Variants in TTC39C observed in about 807,000 individuals in gnomAD.
The protein encoded by TTC39C is tetratricopeptide repeat protein 39C.
Under a neutral mutation model 76.3 loss-of-function variants are expected in TTC39C, and 33 were observed. That is an observed-to-expected ratio of 0.43 (90% CI 0.33 to 0.58). TTC39C has a LOEUF of 0.58. Among genes scored for constraint, TTC39C ranks in the 20% least tolerant of loss-of-function variants. The pLI is 0.04. For synonymous variants in TTC39C, 254 were observed against 260.6 expected (o/e 0.97, Z 0.24); for missense variants, 595 against 701.4 (o/e 0.85, Z 1.71).
chr18:23,996,333 T>G (rs1010273411), intron 1 of TTC39C, among the ~76,000 whole-genome samples: 10 of 152,304 alleles, frequency 6.6e-5, no homozygotes, highest in Admixed American at 3.3e-4. Flanking sequence ...GCAGCCAAGT[T>G]TGGGAAGCAC....
At chr18:24,073,964 C>T (rs775679436) in intron 4 of TTC39C, among the ~76,000 whole-genome samples, 4 of 152,224 alleles carry the variant, frequency 2.6e-5, no homozygotes, top group Non-Finnish European at 5.9e-5. Context: ...TGCAATCTAC[C>T]TGCTGTTTTA....
intron 6 of TTC39C, among the ~76,000 whole-genome samples, chr18:24,087,582 G>GTTTTTTTTTTTT (rs142766325): frequency 7.3e-5 from 9 of 124,130 alleles, no homozygotes; most frequent in East Asian, 2.2e-4. Flanking sequence ...TTTGAGAACT[G>GTTTTTTTTTTTT]TTTTTTTTTT....
chr18:24,056,350 A>G (rs1034308262), intron 1 of TTC39C, among the ~76,000 whole-genome samples: 1 of 152,164 alleles, frequency 6.6e-6, no homozygotes, highest in South Asian at 2.1e-4. Flanking sequence ...TGAAGGGGAG[A>G]AAAGTATTTT....
chr18:24,021,539 CTT>C lies in TTC39C; in HGVS notation c.167+6522_167+6523del, dbSNP rs60505555. ...GGGGTTTTGCTTTTTTTCTTTCCTT[CTT>C]TTTTTTTTTTTTTTTTTTTTCCGAG... On this transcript the variant is annotated intron_variant, in intron 1 of 13. Coordinates refer to ENST00000317571, the MANE Select transcript of TTC39C (RefSeq NM_001135993.2). Among the ~76,000 whole-genome samples the C allele has an allele frequency of 1.3e-3, 156 of 118,832 alleles. 3 individuals are homozygous for C. In the East Asian group the frequency reaches 0.014, roughly 10 times the overall value. The allele number at this position is 118,832 out of a possible 152,430, so 78.0% of individuals were successfully genotyped here.
Position 24,123,856 on chromosome 18 carries a change from T to C in TTC39C, c.1209T>C (p.Asp403=). The part of the protein sequence containing the change: ...LTAVCQGATG[D]VDGAQIVFKE... ...CAGTTTGTCAGGGAGCCACTGGTGA[T>C]GTGGATGGGGCACAGATTGTCTTTA... is the stretch of plus-strand genomic sequence containing the variant. Residue 403 remains aspartate, a synonymous_variant, in exon 9 of 14, where the codon GAT becomes GAC. Coordinates refer to ENST00000317571, the MANE Select transcript of TTC39C (RefSeq NM_001135993.2). 1.9e-6 allele frequency: 3 copies of C among 1,611,918 alleles called. No individual in the cohort carries two copies. The highest frequency in any genetic ancestry group is 2.5e-6 in the Non-Finnish European group (3 of 1,179,502).
At chr18:24,009,087 A>G (rs2083376695) in intron 1 of TTC39C, among the ~76,000 whole-genome samples, 1 of 152,214 alleles carries the variant, frequency 6.6e-6, no homozygotes, top group South Asian at 2.1e-4. Flanking sequence ...ATCATAAAAA[A>G]TAACTATTGG....
chr18:24,060,495 A>G (rs1423552608), intron 1 of TTC39C, among the ~76,000 whole-genome samples: 2 of 151,744 alleles, frequency 1.3e-5, no homozygotes, highest in East Asian at 3.9e-4. Flanking sequence ...TTTAGTAGAG[A>G]TGGGGTTTCA....
chr18:24,010,020 C>T (rs549559947), upstream of TTC39C, among the ~76,000 whole-genome samples: 1 of 152,266 alleles, frequency 6.6e-6, no homozygotes, highest in African/African-American at 2.4e-5. Context: ...AGTGATCCAC[C>T]TATGAGCAGA....
intron 1 of TTC39C, among the ~76,000 whole-genome samples, chr18:24,020,878 A>G (rs530693160): frequency 6.6e-6 from 1 of 152,306 alleles, no homozygotes; most frequent in African/African-American, 2.4e-5. Flanking sequence ...TATTGAGTGA[A>G]ATAAAGTTTT....
At chr18:24,096,403 G>A (rs1019081356) in intron 6 of TTC39C, among the ~76,000 whole-genome samples, 37 of 152,038 alleles carry the variant, frequency 2.4e-4, no homozygotes, top group African/African-American at 7.0e-4. Context: ...GCCTTTAATC[G>A]TAGGAACTTT....
chr18:24,034,195 C>T (rs1205279322), intron 1 of TTC39C, among the ~76,000 whole-genome samples: 1 of 152,194 alleles, frequency 6.6e-6, no homozygotes, highest in East Asian at 1.9e-4. Context: ...CTCACAACAT[C>T]GAAAGCACAA....
chr18:24,114,302 A>G, intron 6 of TTC39C: 1 of 301,850 alleles, frequency 3.3e-6, no homozygotes, highest in South Asian at 2.9e-5. Flanking sequence ...AAAGGAGAGA[A>G]CGCTGGAGGA....
chr18:24,066,727 G>T (rs1451451267), intron 3 of TTC39C, among the ~76,000 whole-genome samples: 1 of 152,176 alleles, frequency 6.6e-6, no homozygotes, highest in African/African-American at 2.4e-5. Context: ...CCTGTCTTCT[G>T]CTCCTGCATG....
At chr18:24,028,126 T>C (rs1000480705) in intron 1 of TTC39C, among the ~76,000 whole-genome samples, 2 of 151,974 alleles carry the variant, frequency 1.3e-5, no homozygotes, top group African/African-American at 4.8e-5. Flanking sequence ...AAATTACTCC[T>C]CTTGAAATAG....
chr18:24,128,393 C>T (rs934020932), intron 10 of TTC39C, among the ~76,000 whole-genome samples: 8 of 150,254 alleles, frequency 5.3e-5, no homozygotes. Flanking sequence ...AACTTCAGTT[C>T]TCTCTTTCTA....
At chr18:24,113,582 C>T (rs1467600992) in intron 6 of TTC39C, 1 of 702,292 alleles carries the variant, frequency 1.4e-6, no homozygotes, top group Admixed American at 2.0e-5. Context: ...GGAGCCCTGG[C>T]ACCAGCAGAG....
rs2145835270 is a variant in TTC39C at position 24,132,438 on chromosome 18, C to T, written c.1663-47C>T. 3 of 1,559,724 alleles carry T rather than the reference C, an allele frequency of 1.9e-6. No individual in the cohort carries two copies. In the East Asian group the frequency reaches 6.7e-5, roughly 35 times the overall value. ...GTGCTTTATACCACAGTACCCTGTGCAAGCTTAGCTAACAGAGTGCATAAA... is the reference window on the plus strand; with the variant it reads ...GTGCTTTATACCACAGTACCCTGTGTAAGCTTAGCTAACAGAGTGCATAAA... On this transcript the variant is annotated intron_variant, in intron 13 of 13. Transcript: ENST00000317571.
intron 1 of TTC39C, among the ~76,000 whole-genome samples, chr18:24,023,997 T>G (rs1285210539): frequency 1.5e-3 from 11 of 7,446 alleles, no homozygotes; most frequent in Admixed American, 5.8e-3. Flanking sequence ...TATATATATA[T>G]ATATATATAT....
At chr18:24,114,252 A>T in intron 6 of TTC39C, 1 of 296,788 alleles carries the variant, frequency 3.4e-6, no homozygotes, top group Non-Finnish European at 6.4e-6. Flanking sequence ...ACCTGAGTGA[A>T]GGAGAAGGTG....
Sources: gnomAD v4.1 joint callset for allele counts (sites outside exome capture counted in the v4.1 genomes callset) on GRCh38, gnomAD v4.1.1 for gene constraint, MANE v1.5 for transcripts, NCBI Gene and HGNC (gene_info 2026-07-23, HGNC 2026-07-21) for gene names.